The following ADGRB3 variants were observed in gnomAD, a reference collection of about 807,000 sequenced individuals.
ADGRB3 encodes brain-specific angiogenesis inhibitor 3.
In ADGRB3, 37 loss-of-function variants were observed where a neutral mutation model predicts 193.4. That is an observed-to-expected ratio of 0.19 (90% CI 0.15 to 0.25). ADGRB3 has a LOEUF of 0.25. Ranked by LOEUF, ADGRB3 falls within the 10% of genes least tolerant of loss-of-function variation. ADGRB3 has a pLI of 1.00. For synonymous variants in ADGRB3, 690 were observed against 644.2 expected, an observed-to-expected ratio of 1.07 and a Z score of -1.08; for missense variants, 1,637 against 1,852.9, an observed-to-expected ratio of 0.88 and a Z score of 2.14.
chr6:69,120,634 C>A (rs1402435089), intron 17 of ADGRB3, among the ~76,000 whole-genome samples: 1 of 152,098 alleles, frequency 6.6e-6, no homozygotes, highest in Non-Finnish European at 1.5e-5. Context: ...AATTAAGCAC[C>A]CTGTAAGTAC....
intron 17 of ADGRB3, among the ~76,000 whole-genome samples, chr6:69,091,147 T>C (rs1053822764): frequency 6.6e-6 from 1 of 152,130 alleles, no homozygotes; most frequent in Non-Finnish European, 1.5e-5. Flanking sequence ...TAACAGATCC[T>C]AGCGAGGTTG....
intron 17 of ADGRB3, among the ~76,000 whole-genome samples, chr6:69,078,760 C>G (rs1241148336): frequency 1.3e-5 from 2 of 151,992 alleles, no homozygotes; most frequent in Non-Finnish European, 2.9e-5. Flanking sequence ...GATACTTTCA[C>G]AGCATGCATT....
chr6:69,175,432 G>A (rs1308908796), intron 17 of ADGRB3, among the ~76,000 whole-genome samples: 2 of 152,066 alleles, frequency 1.3e-5, no homozygotes, highest in African/African-American at 4.8e-5. Context: ...CAACTTTGTT[G>A]TAAATCAGAT....
At chr6:68,859,472 AT>A (rs1458064715) in intron 3 of ADGRB3, among the ~76,000 whole-genome samples, 2 of 152,224 alleles carry the variant, frequency 1.3e-5, no homozygotes, top group Non-Finnish European at 2.9e-5. Context: ...GCTAGTAAAC[AT>A]GTACCTGAGA....
Position 69,004,259 on chromosome 6 carries a change from C to G in ADGRB3, c.1930-9779C>G, listed in dbSNP as rs867887797. On this transcript the variant is annotated intron_variant, in intron 11 of 31. Transcript: ENST00000370598. ...GTTCTGGAGGCTAGATCTCCAAGAT[C>G]GAGGTCACGACAGGTTTGGTTTCTC... 3.9e-5 allele frequency among the ~76,000 whole-genome samples: 6 copies of G among 152,266 alleles called. No homozygotes were observed. The Middle Eastern group carries it at 0.01, about 259-fold the overall frequency.
At chr6:69,171,408 C>T (rs1011909854) in intron 17 of ADGRB3, among the ~76,000 whole-genome samples, 2 of 152,270 alleles carry the variant, frequency 1.3e-5, no homozygotes, top group South Asian at 2.1e-4. Flanking sequence ...AATGGCCTGG[C>T]CAACTTCCAT....
intron 16 of ADGRB3, among the ~76,000 whole-genome samples, chr6:69,065,760 T>TACACACACACACACACAC (rs1485700358): frequency 1.0e-4 from 12 of 118,198 alleles, no homozygotes; most frequent in South Asian, 6.4e-4. Context: ...TTCATGTATA[T>TACACACACACACACACAC]ATATACACAC....
intron 13 of ADGRB3, among the ~76,000 whole-genome samples, chr6:69,023,219 C>T (rs372870347): frequency 6.6e-6 from 1 of 152,096 alleles, no homozygotes; most frequent in Non-Finnish European, 1.5e-5. Context: ...GTCTAATCTT[C>T]TAGCCTGCAA....
At chr6:68,727,928 G>A (rs1394893605) in intron 3 of ADGRB3, among the ~76,000 whole-genome samples, 1 of 151,516 alleles carries the variant, frequency 6.6e-6, no homozygotes, top group Non-Finnish European at 1.5e-5. Context: ...CACCAGAGAT[G>A]ACTGTTGAAC....
intron 3 of ADGRB3, among the ~76,000 whole-genome samples, chr6:68,659,738 T>C (rs1768579877): frequency 6.6e-6 from 1 of 151,138 alleles, no homozygotes; most frequent in Non-Finnish European, 1.5e-5. Context: ...ATTTGCATAA[T>C]TTAACAGATT....
chr6:69,385,619 A>G (rs926747478), intron 31 of ADGRB3, among the ~76,000 whole-genome samples: 3 of 152,120 alleles, frequency 2.0e-5, no homozygotes, highest in Admixed American at 2.0e-4. Flanking sequence ...GTTTAACTAC[A>G]GCTCCTTATT....
At chr6:69,086,376 G>A (rs1772551561) in intron 17 of ADGRB3, among the ~76,000 whole-genome samples, 1 of 152,008 alleles carries the variant, frequency 6.6e-6, no homozygotes, top group Non-Finnish European at 1.5e-5. Flanking sequence ...GTAGAACTGG[G>A]CATTGGCAAG....
At chr6:68,822,492 A>G (rs1189001870) in intron 3 of ADGRB3, among the ~76,000 whole-genome samples, 1 of 151,928 alleles carries the variant, frequency 6.6e-6, no homozygotes, top group Non-Finnish European at 1.5e-5. Flanking sequence ...ATGCATTGTC[A>G]TAGTAAGAGT....
chr6:68,685,467 A>T (rs1319445220), intron 3 of ADGRB3, among the ~76,000 whole-genome samples: 2 of 152,098 alleles, frequency 1.3e-5, no homozygotes, highest in African/African-American at 4.8e-5. Flanking sequence ...ATAGAAAGAC[A>T]GACAATGGGG....
intron 11 of ADGRB3, among the ~76,000 whole-genome samples, chr6:68,994,790 A>G (rs1276207206): frequency 1.3e-5 from 2 of 152,204 alleles, no homozygotes; most frequent in Non-Finnish European, 2.9e-5. Flanking sequence ...CAAAACTCCC[A>G]GATTAGGTTT....
intron 4 of ADGRB3, 146 bp from the exon 5 acceptor site, chr6:68,936,373 C>T (rs1767486467): frequency 4.4e-6 from 4 of 909,608 alleles, no homozygotes; most frequent in African/African-American, 3.4e-5. Context: ...TTCATTTTCT[C>T]TGAAATGTTT....
At chr6:68,733,490 G>A (rs1457845229) in intron 3 of ADGRB3, among the ~76,000 whole-genome samples, 3 of 151,700 alleles carry the variant, frequency 2.0e-5, no homozygotes, top group Non-Finnish European at 4.4e-5. Flanking sequence ...TCAAAAAGGG[G>A]GAAGAAGGGA....
intron 3 of ADGRB3, among the ~76,000 whole-genome samples, chr6:68,743,747 G>A (rs1017518559): frequency 8.5e-5 from 13 of 152,066 alleles, no homozygotes; most frequent in Non-Finnish European, 1.6e-4. Flanking sequence ...AATTTCTGTT[G>A]AGAAATTAAG....
intron 3 of ADGRB3, among the ~76,000 whole-genome samples, chr6:68,896,856 A>G (rs1916767): frequency 0.31 from 46,422 of 152,026 alleles, 7,612 homozygotes; most frequent in Middle Eastern, 0.52. Context: ...AGGGAGAATT[A>G]TTTCTAACAC....
Sources: gnomAD v4.1 joint callset for allele counts (sites outside exome capture counted in the v4.1 genomes callset) on GRCh38, gnomAD v4.1.1 for gene constraint, MANE v1.5 for transcripts, NCBI Gene and HGNC (gene_info 2026-07-23, HGNC 2026-07-21) for gene names.